The following TPRG1 variants were observed in gnomAD, a reference collection of about 807,000 sequenced individuals.
The protein encoded by TPRG1 is tumor protein p63-regulated gene 1 protein.
In TPRG1, 29 loss-of-function variants were observed where a neutral mutation model predicts 29.3. The observed-to-expected ratio is 0.99, with a 90% CI of 0.74 to 1.35. The LOEUF (loss-of-function observed/expected upper bound fraction) is 1.35. Ranked by LOEUF, TPRG1 falls within the 40% of genes most tolerant of loss-of-function variation. The probability of loss-of-function intolerance (pLI) is 0.00; values close to 1 mark genes in which losing one functional copy is unlikely to be tolerated. For missense variants in TPRG1, 327 were observed against 335.0 expected, an observed-to-expected ratio of 0.98 and a Z score of 0.19; for synonymous variants, 130 against 116.8, an observed-to-expected ratio of 1.11 and a Z score of -0.73.
chr3:189,061,642 CTT>C, intron 4 of TPRG1, among the ~76,000 whole-genome samples: 1 of 152,248 alleles, frequency 6.6e-6, no homozygotes, highest in East Asian at 1.9e-4. Flanking sequence ...TGAACAGACA[CTT>C]TTCAAGAGAA....
intron 5 of TPRG1, among the ~76,000 whole-genome samples, chr3:189,316,121 A>G (rs911140233): frequency 2.6e-5 from 4 of 152,230 alleles, no homozygotes; most frequent in Admixed American, 6.5e-5. Flanking sequence ...GTGTGTGCAC[A>G]TATGTGCATA....
intron 5 of TPRG1, among the ~76,000 whole-genome samples, chr3:189,159,099 A>G (rs975456952): frequency 6.6e-6 from 1 of 152,038 alleles, no homozygotes; most frequent in Non-Finnish European, 1.5e-5. Flanking sequence ...CTCCTCTCAC[A>G]CCACATGTGC....
rs573220144 is a variant in TPRG1, at chr3:189,022,586, C to T, written c.-659-1164C>T. On this transcript the variant is annotated intron_variant, in intron 3 of 10. Transcript: ENST00000433971. ...GACCCACTTGAGGAGGCAGTCTGCC[C>T]GTTCTCAGATCTCCAGCTGCGTGCT... Among the ~76,000 whole-genome samples, 462 of 149,654 alleles carry T rather than the reference C, an allele frequency of 3.1e-3. 2 individuals carry two copies. The highest frequency in any genetic ancestry group is 9.2e-3 in the African/African-American group (373 of 40,580).
chr3:189,212,007 T>C (rs1735339949), intron 2 of TPRG1: 1 of 80,870 alleles, frequency 1.2e-5, no homozygotes, highest in African/African-American at 9.6e-5. Context: ...TATATTATGA[T>C]AATCTTGGTT....
chr3:189,280,335 T>C (rs1436930339), intron 4 of TPRG1, among the ~76,000 whole-genome samples: 1 of 106,582 alleles, frequency 9.4e-6, no homozygotes, highest in South Asian at 2.9e-4. Context: ...ATGGAAGACA[T>C]TTTAGATGAC....
intron 5 of TPRG1, among the ~76,000 whole-genome samples, chr3:189,314,686 T>C (rs1418564394): frequency 7.8e-6 from 1 of 127,684 alleles, no homozygotes; most frequent in African/African-American, 2.6e-5. Flanking sequence ...CTTTTAATAT[T>C]ATGAGACATA....
rs60845704 is a variant in TPRG1 at position 189,144,938 on chromosome 3, C to T, written c.-290-2646C>T. Among the ~76,000 whole-genome samples the T allele has an allele frequency of 2.8e-3, 422 of 152,270 alleles. 2 individuals carry two copies. Among genetic ancestry groups the T allele is most frequent in the African/African-American group, 9.5e-3 (394 of 41,546 alleles). Reference sequence around the variant, plus strand: ...TTCACGGGCAGGTGAATAAAAATGACGCTTGAGCCTTGCTAACTGTTCCAT... The same window carrying T: ...TTCACGGGCAGGTGAATAAAAATGATGCTTGAGCCTTGCTAACTGTTCCAT... On this transcript the variant is annotated intron_variant, in intron 3 of 6. Transcript: ENST00000412373.
At chr3:189,092,442 CT>C (rs201972502) in intron 4 of TPRG1, among the ~76,000 whole-genome samples, 4,912 of 131,244 alleles carry the variant, frequency 0.037, 118 homozygotes, top group African/African-American at 0.082. Flanking sequence ...TCTGAAATTT[CT>C]TTTTTTTTTT....
chr3:189,008,068 A>G (rs848997), intron 3 of TPRG1, among the ~76,000 whole-genome samples: 131,096 of 146,758 alleles, frequency 0.89, 60,035 homozygotes, highest in Non-Finnish European at 0.99. Flanking sequence ...AAGAAAGAAA[A>G]AAAAAAAAAC....
chr3:189,153,631 G>C (rs915241117), intron 5 of TPRG1, among the ~76,000 whole-genome samples: 4 of 152,148 alleles, frequency 2.6e-5, no homozygotes, highest in Non-Finnish European at 2.9e-5. Context: ...TAAACTGTTA[G>C]CTGCAGCACC....
intron 3 of TPRG1, among the ~76,000 whole-genome samples, chr3:189,217,399 G>C (rs928419945): frequency 6.6e-6 from 1 of 152,110 alleles, no homozygotes; most frequent in African/African-American, 2.4e-5. Flanking sequence ...ACAACAATGA[G>C]GGATGAGTCC....
At chr3:189,142,498 C>G (rs1017227049) in intron 3 of TPRG1, among the ~76,000 whole-genome samples, 4 of 152,142 alleles carry the variant, frequency 2.6e-5, no homozygotes, top group Non-Finnish European at 5.9e-5. Flanking sequence ...TCCTCCTTGT[C>G]ACTTTGTTCC....
At chr3:189,115,068 C>T (rs1216174066) in intron 1 of TPRG1, among the ~76,000 whole-genome samples, 1 of 152,216 alleles carries the variant, frequency 6.6e-6, no homozygotes, top group Non-Finnish European at 1.5e-5. Flanking sequence ...CCAGGACACA[C>T]AAGTTCTCTG....
intron 1 of TPRG1, among the ~76,000 whole-genome samples, chr3:188,997,688 C>A (rs889685284): frequency 1.3e-5 from 2 of 152,176 alleles, no homozygotes; most frequent in African/African-American, 4.8e-5. Context: ...TGGCCACAAC[C>A]TCTCAGGTTC....
intron 3 of TPRG1, among the ~76,000 whole-genome samples, chr3:189,133,662 G>A (rs979085020): frequency 3.3e-5 from 5 of 152,148 alleles, no homozygotes; most frequent in African/African-American, 1.2e-4. Context: ...AGTCAATTAA[G>A]CCTTTTTCCT....
intron 2 of TPRG1, among the ~76,000 whole-genome samples, chr3:189,129,528 A>G (rs1722869298): frequency 1.3e-5 from 2 of 152,178 alleles, no homozygotes; most frequent in African/African-American, 4.8e-5. Context: ...GACACTTGAG[A>G]CTATAAAAAT....
At chr3:189,187,220 T>A (rs1239794684) in intron 1 of TPRG1, among the ~76,000 whole-genome samples, 2 of 152,054 alleles carry the variant, frequency 1.3e-5, no homozygotes, top group African/African-American at 4.8e-5. Context: ...ACCACTGGGC[T>A]CCAGCGAGCC....
At chr3:189,243,966 T>C (rs1741004108) in intron 4 of TPRG1, among the ~76,000 whole-genome samples, 1 of 152,202 alleles carries the variant, frequency 6.6e-6, no homozygotes, top group Non-Finnish European at 1.5e-5. Context: ...TCCTCCTGTC[T>C]TCTTCTGAAC....
intron 5 of TPRG1, among the ~76,000 whole-genome samples, chr3:189,314,722 G>A (rs7617546): frequency 0.55 from 84,236 of 151,896 alleles, 24,379 homozygotes; most frequent in African/African-American, 0.7. Flanking sequence ...CTATTATATA[G>A]TTATACTTTA....
Sources: gnomAD v4.1 joint callset for allele counts (sites outside exome capture counted in the v4.1 genomes callset) on GRCh38, gnomAD v4.1.1 for gene constraint, MANE v1.5 for transcripts, NCBI Gene and HGNC (gene_info 2026-07-23, HGNC 2026-07-21) for gene names.